The following NPHP4 variants were observed in gnomAD, a reference collection of about 807,000 sequenced individuals.
NPHP4 encodes the protein nephrocystin-4.
A neutral mutation model predicts 155.8 loss-of-function variants in NPHP4; 151 were observed. That is an observed-to-expected ratio of 0.97 (90% CI 0.85 to 1.11). NPHP4 has a LOEUF of 1.11. NPHP4 is among the 50% of genes least tolerant of loss of function. The pLI, the probability that NPHP4 is intolerant of heterozygous loss-of-function variation, is 0.00. For synonymous variants in NPHP4, 845 were observed against 816.8 expected (o/e 1.03, Z -0.59); for missense variants, 1,956 against 1,925.7 (o/e 1.02, Z -0.29).
chr1:5,875,271 G>A (rs928426756), intron 20 of NPHP4, among the ~76,000 whole-genome samples, 171 bp from the exon 21 acceptor site: 36 of 152,230 alleles, frequency 2.4e-4, no homozygotes, highest in African/African-American at 7.9e-4. Context: ...GGCCGGCCCC[G>A]CCCAGGCATG....
At chr1:5,891,076 T>C in intron 16 of NPHP4, 48 bp from the exon 17 acceptor site, 5 of 1,374,992 alleles carry the variant, frequency 3.6e-6, no homozygotes, top group Non-Finnish European at 4.9e-6. Context: ...GAGTCATTCA[T>C]CATCTTTACA....
At chr1:5,937,316 G>A (rs926596136) in intron 9 of NPHP4, among the ~76,000 whole-genome samples, 5 of 152,240 alleles carry the variant, frequency 3.3e-5, no homozygotes, top group Non-Finnish European at 5.9e-5. Flanking sequence ...TGGCCTCAGA[G>A]CTGTGAGAGC....
Position 5,874,131 on chromosome 1 carries a change from C to T in NPHP4, c.3231+340G>A, listed in dbSNP as rs12134840. 5.2e-3 allele frequency among the ~76,000 whole-genome samples: 788 copies of T among 152,204 alleles called. 7 individuals are homozygous for T. The highest frequency in any genetic ancestry group is 6.0e-3 in the Non-Finnish European group (406 of 68,012). ...TGCATAGAGCAGACAGTGCTGCAGT[C>T]GGAAGGGACCAAACAACATTAACTG... On this transcript the variant is annotated intron_variant, in intron 22 of 29. Coordinates refer to ENST00000378156, the MANE Select transcript of NPHP4 (RefSeq NM_015102.5).
At chr1:5,936,340 G>C (rs1427494397) in intron 9 of NPHP4, among the ~76,000 whole-genome samples, 1 of 152,186 alleles carries the variant, frequency 6.6e-6, no homozygotes, top group Admixed American at 6.5e-5. Flanking sequence ...CCCACAGAGG[G>C]ACCGGCAGAC....
chr1:5,954,793 T>C (rs1270570204), intron 6 of NPHP4, among the ~76,000 whole-genome samples: 1 of 152,204 alleles, frequency 6.6e-6, no homozygotes, highest in African/African-American at 2.4e-5. Flanking sequence ...GAGTAAGGAT[T>C]TTTTTAAGTA....
At chr1:5,978,171 G>T in intron 3 of NPHP4, 99 bp downstream of exon 3, 1 of 1,127,056 alleles carries the variant, frequency 8.9e-7, no homozygotes, top group Non-Finnish European at 1.3e-6. Flanking sequence ...CGCGCTGTGA[G>T]GTCTCGGCAA....
intron 11 of NPHP4, among the ~76,000 whole-genome samples, chr1:5,922,591 T>G (rs1557742823): frequency 1.3e-5 from 2 of 152,006 alleles, no homozygotes; most frequent in Non-Finnish European, 2.9e-5. Flanking sequence ...GAGGCCAAGG[T>G]GGGAGGACCA....
chr1:5,967,208 T>G (rs1570681627), intron 5 of NPHP4, 91 bp downstream of exon 5: 1 of 1,009,954 alleles, frequency 9.9e-7, no homozygotes, highest in Non-Finnish European at 1.5e-6. Flanking sequence ...CAGTTTACAC[T>G]GAGAAAGATC....
intron 5 of NPHP4, among the ~76,000 whole-genome samples, chr1:5,964,393 CAG>C (rs1650952006): frequency 6.6e-6 from 1 of 152,154 alleles, no homozygotes; most frequent in Admixed American, 6.5e-5. Context: ...GACCAAATAC[CAG>C]AGAGAGATGG....
chr1:5,912,182 C>T (rs1361497395), intron 11 of NPHP4, among the ~76,000 whole-genome samples: 1 of 152,188 alleles, frequency 6.6e-6, no homozygotes, highest in Non-Finnish European at 1.5e-5. Flanking sequence ...GGCAGGGGAG[C>T]AATGGGATGG....
At chr1:5,878,742 G>A (rs1328593907) in intron 19 of NPHP4, among the ~76,000 whole-genome samples, 2 of 152,190 alleles carry the variant, frequency 1.3e-5, no homozygotes, top group Non-Finnish European at 2.9e-5. Flanking sequence ...CCTGCTCCCT[G>A]ACAGCTGAGC....
chr1:5,874,569 C>T lies in NPHP4; in HGVS notation c.3133G>A (p.Gly1045Ser). The T allele has an allele frequency of 6.2e-7, 1 of 1,608,438 alleles. No individual in the cohort carries two copies. Among genetic ancestry groups the T allele is most frequent in the Non-Finnish European group, 8.5e-7 (1 of 1,177,966 alleles). The change falls in exon 22 of 30, where the codon GGC becomes AGC. Residue 1045 changes from glycine (G) to serine (S), a missense_variant. Physicochemically the swap from Gly to Ser is moderately conservative, Grantham distance 56. Transcript: ENST00000378156. The stretch of plus-strand genomic sequence containing the variant: ...AGGTAGAGCTGGGGGGCCAGGCTGC[C>T]ACGCAGGTGGAACATGTCCTCCTCC... ...PVEEDMFHLR[G>S]SLAPQLYLRP...
chr1:5,873,857 T>G (rs980947965), intron 22 of NPHP4: 5 of 227,270 alleles, frequency 2.2e-5, no homozygotes, highest in Non-Finnish European at 4.3e-5. Context: ...CAACTGCATG[T>G]CTGCACACAC....
chr1:5,936,954 G>C lies in NPHP4; in HGVS notation c.1120-3625C>G, dbSNP rs555354115. Among the ~76,000 whole-genome samples, 36 of 152,276 alleles carry C rather than the reference G, an allele frequency of 2.4e-4. No individual in the cohort carries two copies. In the South Asian group the frequency reaches 7.5e-3, roughly 32 times the overall value. On this transcript the variant is annotated intron_variant, in intron 9 of 29. Coordinates refer to ENST00000378156, the MANE Select transcript of NPHP4 (RefSeq NM_015102.5). ...TGGCAAGCATCCCTGTAGGAGCAGG[G>C]GAGAGAGAGACAGACACAGAGGGAG...
intron 9 of NPHP4, among the ~76,000 whole-genome samples, chr1:5,941,040 C>T (rs12070204): frequency 1.3e-5 from 2 of 152,052 alleles, no homozygotes; most frequent in Non-Finnish European, 1.5e-5. Context: ...TTACCAAATG[C>T]TAAAACACAC....
intron 3 of NPHP4, among the ~76,000 whole-genome samples, chr1:5,971,823 C>G (rs1477014030): frequency 6.6e-6 from 1 of 150,962 alleles, no homozygotes; most frequent in East Asian, 1.9e-4. Flanking sequence ...CCCATCAAAT[C>G]GCCTGCAGGG....
intron 26 of NPHP4, 96 bp from the exon 27 acceptor site, chr1:5,865,369 GA>G: frequency 8.5e-7 from 1 of 1,176,352 alleles, no homozygotes; most frequent in Non-Finnish European, 1.2e-6. Context: ...GGGCAGACAG[GA>G]GGCTGTGCAG....
rs948558864 is a variant in NPHP4 at position 5,992,248 on chromosome 1, G to A, written c.-43C>T. On this transcript the variant is annotated 5_prime_UTR_variant, in exon 1 of 30. Transcript: ENST00000378156. ...GCCCGCCGCGGGCCGCGTTACCTAG[G>A]AGACCGACCCGCCGCGGCCGCGCCG... The A allele has an allele frequency of 1.2e-4, 18 of 152,200 alleles. No homozygotes were observed. The highest frequency in any genetic ancestry group is 4.1e-4 in the African/African-American group (17 of 41,530). 9.4% of individuals were successfully genotyped at this position (152,200 alleles called of 1,614,324 possible).
chr1:5,990,456 A>G (rs944547308), intron 1 of NPHP4, among the ~76,000 whole-genome samples: 2 of 152,124 alleles, frequency 1.3e-5, no homozygotes, highest in Non-Finnish European at 2.9e-5. Context: ...GGAAAAAAAA[A>G]AAGAAGAAGA....
Sources: gnomAD v4.1 joint callset for allele counts (sites outside exome capture counted in the v4.1 genomes callset) on GRCh38, gnomAD v4.1.1 for gene constraint, MANE v1.5 for transcripts, NCBI Gene and HGNC (gene_info 2026-07-23, HGNC 2026-07-21) for gene names.